Variants in DNAAF9 observed in about 807,000 individuals in gnomAD.
DNAAF9 encodes shulin.
In DNAAF9, 90 loss-of-function variants were observed where a neutral mutation model predicts 167.0. The observed-to-expected ratio is 0.54, with a 90% confidence interval of 0.45 to 0.64. The LOEUF (loss-of-function observed/expected upper bound fraction) is 0.64. Among genes scored for constraint, DNAAF9 ranks in the 30% least tolerant of loss-of-function variants. The pLI, the probability that DNAAF9 is intolerant of heterozygous loss-of-function variation, is 0.00. For missense variants in DNAAF9, 1,315 were observed against 1,442.2 expected (o/e 0.91, Z 1.43); for synonymous variants, 491 against 508.8 (o/e 0.96, Z 0.47).
At chr20:3,383,222 C>A (rs1414054265) in intron 1 of DNAAF9, among the ~76,000 whole-genome samples, 8 of 151,844 alleles carry the variant, frequency 5.3e-5, no homozygotes, top group African/African-American at 1.9e-4. Flanking sequence ...ACCTGGTCTC[C>A]TCATCATCTC....
At chr20:3,331,037 C>T (rs1465523883) in intron 11 of DNAAF9, among the ~76,000 whole-genome samples, 1 of 152,128 alleles carries the variant, frequency 6.6e-6, no homozygotes, top group Non-Finnish European at 1.5e-5. Context: ...AGTGATCCAC[C>T]CACCTCAGCT....
chr20:3,292,297 G>A (rs1168496233), intron 25 of DNAAF9, among the ~76,000 whole-genome samples: 1 of 152,092 alleles, frequency 6.6e-6, no homozygotes, highest in East Asian at 1.9e-4. Context: ...ATGCCGCCTG[G>A]GCGAGCACCT....
At chr20:3,270,812 CTTTTTTTT>C (rs11297850) in intron 29 of DNAAF9, among the ~76,000 whole-genome samples, 1 of 138,522 alleles carries the variant, frequency 7.2e-6, no homozygotes. Flanking sequence ...CTTCCTCTAT[CTTTTTTTT>C]TTTTTTTTTT....
intron 20 of DNAAF9, among the ~76,000 whole-genome samples, chr20:3,305,685 G>A (rs929196758): frequency 6.6e-6 from 1 of 152,186 alleles, no homozygotes; most frequent in African/African-American, 2.4e-5. Flanking sequence ...GAGGGGCCTA[G>A]TTAGTATGTG....
chr20:3,314,931 G>A lies in DNAAF9; in HGVS notation c.1678+102C>T, dbSNP rs138561238. The A allele has an allele frequency of 4.2e-6, 3 of 716,972 alleles. No individual in the cohort carries two copies. In the East Asian group the frequency reaches 7.5e-5, roughly 18 times the overall value. 44.4% of individuals were successfully genotyped at this position (716,972 alleles called of 1,614,324 possible). ...AGGAAAACATTTCTGTACCACAATT[G>A]TGTTCAAATAGAAGATGTATTATTA... On this transcript the variant is annotated intron_variant, in intron 20 of 36. Transcript: ENST00000252032.
At chr20:3,404,867 C>A (rs1039845080) in intron 1 of DNAAF9, among the ~76,000 whole-genome samples, 2 of 152,164 alleles carry the variant, frequency 1.3e-5, no homozygotes, top group African/African-American at 4.8e-5. Flanking sequence ...TTAGTTTATA[C>A]CTTGGTAATA....
At chr20:3,354,548 C>A (rs2083259855) in intron 7 of DNAAF9, among the ~76,000 whole-genome samples, 1 of 152,196 alleles carries the variant, frequency 6.6e-6, no homozygotes, top group South Asian at 2.1e-4. Context: ...CCAGTGAGGG[C>A]AAAGCAGCCA....
intron 6 of DNAAF9, among the ~76,000 whole-genome samples, chr20:3,368,720 G>A (rs1241618725): frequency 5.3e-5 from 8 of 151,764 alleles, no homozygotes; most frequent in Non-Finnish European, 5.9e-5. Context: ...GGGTTTCACC[G>A]TGTTAGCCAG....
At chr20:3,310,341 G>GAAAAAAGAAAGAAAA (rs767209371) in intron 20 of DNAAF9, among the ~76,000 whole-genome samples, 1 of 138,134 alleles carries the variant, frequency 7.2e-6, no homozygotes, top group African/African-American at 2.7e-5. Context: ...GAAAAAGAAA[G>GAAAAAAGAAAGAAAA]AAAGAAAGAA....
At chr20:3,302,716 T>C (rs2069212705) in intron 21 of DNAAF9, among the ~76,000 whole-genome samples, 1 of 152,312 alleles carries the variant, frequency 6.6e-6, no homozygotes, top group South Asian at 2.1e-4. Flanking sequence ...TTCATTTATA[T>C]AACATTCTAG....
chr20:3,271,692 G>A (rs1211580111), intron 29 of DNAAF9, among the ~76,000 whole-genome samples: 1 of 150,756 alleles, frequency 6.6e-6, no homozygotes, highest in Non-Finnish European at 1.5e-5. Flanking sequence ...TGCAATCTCA[G>A]CTCACTACAG....
intron 1 of DNAAF9, among the ~76,000 whole-genome samples, chr20:3,390,155 TATC>T (rs1298540779): frequency 6.6e-6 from 1 of 152,204 alleles, no homozygotes; most frequent in Non-Finnish European, 1.5e-5. Context: ...ATGGCAATGT[TATC>T]ATGGTTATGT....
intron 21 of DNAAF9, among the ~76,000 whole-genome samples, chr20:3,298,831 C>A (rs1188622111): frequency 6.6e-6 from 1 of 151,540 alleles, no homozygotes; most frequent in Admixed American, 6.6e-5. Flanking sequence ...GTATCACATT[C>A]AAGAAATCAT....
rs1289183539 is a variant in DNAAF9, at chr20:3,324,886, G to A, written c.1265+6C>T. 2.0e-6 allele frequency: 3 copies of A among 1,519,760 alleles called. No individual in the cohort carries two copies. Among genetic ancestry groups the A allele is most frequent in the Non-Finnish European group, 2.7e-6 (3 of 1,101,018 alleles). 94.1% of individuals were successfully genotyped at this position (1,519,760 alleles called of 1,614,324 possible). On this transcript the variant is annotated splice_donor_region_variant and intron_variant, in intron 14 of 36. Transcript: ENST00000252032. The stretch of plus-strand genomic sequence containing the variant: ...TTCCTTATAAAAAATATCAGCCATT[G>A]CTTACCGCAGGGCTGCCTTAAACGG...
intron 8 of DNAAF9, among the ~76,000 whole-genome samples, chr20:3,347,126 A>G (rs538137512): frequency 2.6e-4 from 39 of 151,172 alleles, no homozygotes; most frequent in East Asian, 5.8e-4. Flanking sequence ...CCAGAGGGGG[A>G]AAAAAAAAGG....
chr20:3,350,156 G>GACACACACACACACACACACACACAC (rs35251429), intron 7 of DNAAF9, among the ~76,000 whole-genome samples: 20 of 89,894 alleles, frequency 2.2e-4, no homozygotes, highest in Non-Finnish European at 4.3e-4. Flanking sequence ...CAGACACACA[G>GACACACACACACACACACACACACAC]ACACACACAC....
intron 1 of DNAAF9, among the ~76,000 whole-genome samples, chr20:3,388,078 A>G (rs868743964): frequency 4.2e-4 from 63 of 151,382 alleles, no homozygotes; most frequent in African/African-American, 1.5e-3. Flanking sequence ...AAAAAAAAAA[A>G]AAAAGAAAAG....
At chr20:3,395,694 C>G (rs1373624975) in intron 1 of DNAAF9, among the ~76,000 whole-genome samples, 1 of 152,202 alleles carries the variant, frequency 6.6e-6, no homozygotes, top group African/African-American at 2.4e-5. Context: ...GAGCTCCCTA[C>G]TCAGGAACAT....
chr20:3,351,277 T>G (rs1437416727), intron 7 of DNAAF9, among the ~76,000 whole-genome samples: 2 of 152,066 alleles, frequency 1.3e-5, no homozygotes, highest in Non-Finnish European at 2.9e-5. Context: ...CCTTAGCACC[T>G]TACTAAGACC....
Sources: allele counts gnomAD v4.1 joint callset (sites outside exome capture counted in the v4.1 genomes callset), GRCh38; gene constraint gnomAD v4.1.1; transcripts MANE v1.5; gene names NCBI Gene and HGNC (gene_info 2026-07-23, HGNC 2026-07-21).